Variants in NRF1 observed in about 807,000 individuals in gnomAD.
NRF1 encodes the protein nuclear respiratory factor 1.
A neutral mutation model predicts 58.5 loss-of-function variants in NRF1; 5 were observed. The ratio of observed to expected loss-of-function variants is 0.09; its 90% CI spans 0.04 to 0.18. NRF1 has a LOEUF of 0.18. Among genes scored for constraint, NRF1 ranks in the 10% least tolerant of loss-of-function variants. The pLI is 1.00. For synonymous variants in NRF1, 224 were observed against 246.7 expected, an observed-to-expected ratio of 0.91 and a Z score of 0.86; for missense variants, 288 against 657.7, an observed-to-expected ratio of 0.44 and a Z score of 6.15.
chr7:129,749,055 A>G (rs4731622), intron 10 of NRF1, among the ~76,000 whole-genome samples: 6,619 of 152,310 alleles, frequency 0.043, 170 homozygotes, highest in Middle Eastern at 0.12. Flanking sequence ...GTAAAACCTC[A>G]TGGCCCCTTG....
chr7:129,677,575 T>A (rs1802213007), intron 3 of NRF1, 57 bp from the exon 4 acceptor site: 2 of 1,538,770 alleles, frequency 1.3e-6, no homozygotes, highest in East Asian at 4.5e-5. Flanking sequence ...TGTGTCTATG[T>A]CACTGTAATT....
At chr7:129,651,753 T>C (rs1801543162) in intron 1 of NRF1, among the ~76,000 whole-genome samples, 2 of 152,220 alleles carry the variant, frequency 1.3e-5, no homozygotes, top group African/African-American at 4.8e-5. Context: ...TTCTCTCATA[T>C]ATTATATTCA....
At position 129,709,060 on chromosome 7, in the gene NRF1, AC is replaced by A. The variant is rs1213915020; in HGVS notation, c.607-14del. On this transcript the variant is annotated splice_polypyrimidine_tract_variant and intron_variant, in intron 5 of 10. Coordinates refer to ENST00000393232, the MANE Select transcript of NRF1 (RefSeq NM_005011.5). ...GTCTTTCATGAGTATTGATGACCAC[AC>A]TGTTCTCTTCCAGGCCCAGCTTCGG... 1 of 1,492,658 alleles carries A rather than the reference AC, an allele frequency of 6.7e-7. No homozygotes were observed. Among genetic ancestry groups the A allele is most frequent in the African/African-American group, 1.4e-5 (1 of 70,950 alleles). The allele number at this position is 1,492,658 out of a possible 1,614,324, so 92.5% of individuals were successfully genotyped here. A position where few individuals can be genotyped will look rare whatever the true frequency, so the allele number is the denominator to read the frequency against.
At chr7:129,718,197 C>G (rs935742167) in intron 9 of NRF1, among the ~76,000 whole-genome samples, 26 of 152,102 alleles carry the variant, frequency 1.7e-4, no homozygotes, top group African/African-American at 5.1e-4. Flanking sequence ...ATTCCTGATG[C>G]AATTTTATTT....
intron 5 of NRF1, among the ~76,000 whole-genome samples, chr7:129,694,048 G>A (rs1802630427): frequency 6.6e-6 from 1 of 152,234 alleles, no homozygotes; most frequent in Non-Finnish European, 1.5e-5. Context: ...AGAGCTTGGT[G>A]TGCTGGTGAA....
chr7:129,701,841 G>A (rs528724255), intron 5 of NRF1, among the ~76,000 whole-genome samples: 78 of 152,256 alleles, frequency 5.1e-4, no homozygotes, highest in Middle Eastern at 3.4e-3. Flanking sequence ...TAGGGGAATG[G>A]CTAAATAAAA....
At chr7:129,649,206 G>A (rs1801480191) in intron 1 of NRF1, among the ~76,000 whole-genome samples, 1 of 151,976 alleles carries the variant, frequency 6.6e-6, no homozygotes, top group South Asian at 2.1e-4. Flanking sequence ...GTTGACTTTA[G>A]GCTTCTTTAG....
chr7:129,743,586 CTTT>C (rs920013519), intron 10 of NRF1, among the ~76,000 whole-genome samples: 2 of 152,144 alleles, frequency 1.3e-5, no homozygotes, highest in Non-Finnish European at 2.9e-5. Flanking sequence ...TAGACAGTGT[CTTT>C]TTTTCTCAAG....
chr7:129,622,434 CAATA>C (rs985367739), intron 1 of NRF1, among the ~76,000 whole-genome samples: 1 of 151,986 alleles, frequency 6.6e-6, no homozygotes, highest in Non-Finnish European at 1.5e-5. Flanking sequence ...ACATGTTAAA[CAATA>C]AATATATTTT....
chr7:129,635,648 C>A (rs1454455606), intron 1 of NRF1, among the ~76,000 whole-genome samples: 1 of 152,164 alleles, frequency 6.6e-6, no homozygotes, highest in African/African-American at 2.4e-5. Context: ...TCAGACTCTC[C>A]TGGGGTGGAA....
In NRF1 at chr7:129,667,345, G is replaced by A. The variant is rs116042049; in HGVS notation, c.224-4084G>A. 3.6e-3 allele frequency among the ~76,000 whole-genome samples: 554 copies of A among 152,280 alleles called. 3 individuals are homozygous for A. The highest frequency in any genetic ancestry group is 0.013 in the African/African-American group (526 of 41,554). On this transcript the variant is annotated intron_variant, in intron 2 of 10. Coordinates refer to ENST00000393232, the MANE Select transcript of NRF1 (RefSeq NM_005011.5). ...TTTTGAGCTAGAGGTTCCAGCGAGT[G>A]CAGTAAGACAAAGTAGAGCACCATT...
intron 2 of NRF1, among the ~76,000 whole-genome samples, chr7:129,663,047 A>G (rs1801822594): frequency 6.6e-6 from 1 of 152,266 alleles, no homozygotes; most frequent in South Asian, 2.1e-4. Flanking sequence ...GACACAGCAC[A>G]TGTTTCAGAG....
intron 1 of NRF1, among the ~76,000 whole-genome samples, chr7:129,656,894 A>G (rs771026431): frequency 1.3e-5 from 2 of 152,222 alleles, no homozygotes; most frequent in Admixed American, 6.5e-5. Context: ...TTTTATAAGC[A>G]GAAAGACCAA....
In NRF1 at chr7:129,679,135, T is replaced by G. The variant is rs185014463; in HGVS notation, c.465+1377T>G. On this transcript the variant is annotated intron_variant, in intron 4 of 10. Coordinates refer to ENST00000393232, the MANE Select transcript of NRF1 (RefSeq NM_005011.5). ...ATAAAACACATAGTCTAGAACACAA[T>G]AATACAAGTGAGGCCAGTTAATTCT... Among the ~76,000 whole-genome samples, 69 of 152,240 alleles carry G rather than the reference T, an allele frequency of 4.5e-4. 1 individual carries two copies. Among genetic ancestry groups the G allele is most frequent in the Non-Finnish European group, 2.2e-4 (15 of 68,000 alleles).
chr7:129,717,101 A>T, intron 8 of NRF1, 118 bp from the exon 9 acceptor site: 1 of 933,362 alleles, frequency 1.1e-6, no homozygotes, highest in African/African-American at 1.7e-5. Flanking sequence ...ATTGCAGGTC[A>T]TGTTAATTTT....
At chr7:129,683,320 T>TGTGTGA (rs1334499896) in intron 4 of NRF1, among the ~76,000 whole-genome samples, 382 of 136,444 alleles carry the variant, frequency 2.8e-3, no homozygotes, top group Middle Eastern at 7.2e-3. Flanking sequence ...TGTGTGTGTG[T>TGTGTGA]GAGAGAGAGA....
chr7:129,687,368 C>T (rs1045470670), intron 4 of NRF1, among the ~76,000 whole-genome samples: 4 of 151,814 alleles, frequency 2.6e-5, no homozygotes, highest in African/African-American at 9.7e-5. Flanking sequence ...CTCCACCTCC[C>T]GGGTTCAAGC....
At chr7:129,694,517 AC>A (rs1462350658) in intron 5 of NRF1, among the ~76,000 whole-genome samples, 2 of 152,066 alleles carry the variant, frequency 1.3e-5, no homozygotes, top group African/African-American at 4.8e-5. Context: ...GGCATGCGCC[AC>A]CATGCCTGGC....
intron 1 of NRF1, among the ~76,000 whole-genome samples, chr7:129,622,485 G>A (rs1175769785): frequency 6.6e-6 from 1 of 151,546 alleles, no homozygotes; most frequent in African/African-American, 2.4e-5. Flanking sequence ...GTTCATTGTA[G>A]AAAAACAGAA....
Sources: allele counts gnomAD v4.1 joint callset (sites outside exome capture counted in the v4.1 genomes callset), GRCh38; gene constraint gnomAD v4.1.1; transcripts MANE v1.5; gene names NCBI Gene and HGNC (gene_info 2026-07-23, HGNC 2026-07-21).